MIR2052HG: variants seen among roughly 807,000 people sequenced by gnomAD.
MIR2052HG encodes the protein MIR2052 host gene.
At chr8:74,670,040 A>G (rs546424846) in intron 2 of MIR2052HG, among the ~76,000 whole-genome samples, 13 of 152,314 alleles carry the variant, frequency 8.5e-5, no homozygotes, top group African/African-American at 2.6e-4. Context: ...GTCTTTCTCT[A>G]CCACGTGAGC....
At chr8:74,653,402 T>A (rs928627129) in intron 2 of MIR2052HG, among the ~76,000 whole-genome samples, 9 of 152,124 alleles carry the variant, frequency 5.9e-5, no homozygotes, top group Non-Finnish European at 1.3e-4. Context: ...ACATACATAA[T>A]TTTTTTTAAG....
At chr8:74,648,682 A>C (rs1166159061) in intron 2 of MIR2052HG, among the ~76,000 whole-genome samples, 1 of 152,098 alleles carries the variant, frequency 6.6e-6, no homozygotes. Flanking sequence ...ACACTTAGGG[A>C]AAATAGAAAG....
chr8:74,667,725 C>G (rs888126371), intron 2 of MIR2052HG, among the ~76,000 whole-genome samples: 2 of 152,046 alleles, frequency 1.3e-5, no homozygotes, highest in Non-Finnish European at 2.9e-5. Context: ...TTACTGAGTA[C>G]CAAAGCCACA....
At position 74,638,923 on chromosome 8, in the gene MIR2052HG, G is replaced by A. The variant is rs574143081; in HGVS notation, n.216+25983G>A. Among the ~76,000 whole-genome samples, 3 of 152,228 alleles carry A rather than the reference G, an allele frequency of 2.0e-5. No homozygotes were observed. In the South Asian group the frequency reaches 6.2e-4, roughly 32 times the overall value. ...TAGAGTGAGAAGGTTGAAAGGCTGA[G>A]GACTGAGTCCTGGAGAATATGAACA... is the stretch of plus-strand genomic sequence containing the variant. On this transcript the variant is annotated intron_variant and non_coding_transcript_variant, in intron 2 of 6. Coordinates refer to ENST00000523442, the Ensembl canonical transcript of MIR2052HG.
At chr8:74,662,198 C>A (rs1563525915) in intron 2 of MIR2052HG, among the ~76,000 whole-genome samples, 1 of 152,154 alleles carries the variant, frequency 6.6e-6, no homozygotes, top group African/African-American at 2.4e-5. Context: ...AAGGCTTTTT[C>A]AATGGTCAGA....
intron 4 of MIR2052HG, among the ~76,000 whole-genome samples, chr8:74,734,124 A>C (rs1324163297): frequency 6.6e-6 from 1 of 152,230 alleles, no homozygotes; most frequent in African/African-American, 2.4e-5. Context: ...CAATGAACTC[A>C]AACAAATTTA....
chr8:74,700,063 T>C (rs1284350011), intron 2 of MIR2052HG, among the ~76,000 whole-genome samples: 1 of 152,144 alleles, frequency 6.6e-6, no homozygotes, highest in African/African-American at 2.4e-5. Flanking sequence ...GAAGGTAAAA[T>C]CATTTTACCA....
rs1395956020 is a variant in MIR2052HG at position 74,632,615 on chromosome 8, T to C, written n.216+19675T>C. On this transcript the variant is annotated intron_variant and non_coding_transcript_variant, in intron 2 of 6. Transcript: ENST00000523442. Reference sequence around the variant, plus strand: ...TTATAATTTGCTGCATATTTGAAAGTAAAACACATACAACATCTAAATGTA... The same window carrying C: ...TTATAATTTGCTGCATATTTGAAAGCAAAACACATACAACATCTAAATGTA... 6 of 152,204 alleles carry C rather than the reference T, an allele frequency of 3.9e-5. No individual in the cohort carries two copies. The East Asian group carries it at 1.2e-3, about 29-fold the overall frequency. 9.4% of individuals were successfully genotyped at this position (152,204 alleles called of 1,614,324 possible).
At chr8:74,712,594 G>C (rs972798290) in intron 4 of MIR2052HG, among the ~76,000 whole-genome samples, 5 of 152,152 alleles carry the variant, frequency 3.3e-5, no homozygotes, top group Non-Finnish European at 7.3e-5. Flanking sequence ...GTGGATCAGG[G>C]ATTAGAATTC....
chr8:74,754,359 T>C (rs1809978081), intron 5 of MIR2052HG, among the ~76,000 whole-genome samples: 1 of 152,204 alleles, frequency 6.6e-6, no homozygotes, highest in Non-Finnish European at 1.5e-5. Context: ...GCCTGGCAAG[T>C]GGACTGGTGG....
At chr8:74,745,112 A>C (rs1215290510) in intron 4 of MIR2052HG, among the ~76,000 whole-genome samples, 5 of 152,030 alleles carry the variant, frequency 3.3e-5, no homozygotes, top group Non-Finnish European at 7.4e-5. Flanking sequence ...AAATGTGAAA[A>C]AATGAAAAAT....
intron 2 of MIR2052HG, among the ~76,000 whole-genome samples, chr8:74,654,056 G>A (rs1402015374): frequency 6.6e-6 from 1 of 152,142 alleles, no homozygotes; most frequent in Admixed American, 6.6e-5. Context: ...TTTGTAAATT[G>A]TAGACACCCC....
At chr8:74,613,599 C>T (rs1348988451) in intron 2 of MIR2052HG, among the ~76,000 whole-genome samples, 3 of 152,170 alleles carry the variant, frequency 2.0e-5, no homozygotes, top group East Asian at 1.9e-4. Flanking sequence ...ATTCTCCCTG[C>T]CTCAGCCTCC....
intron 4 of MIR2052HG, among the ~76,000 whole-genome samples, chr8:74,729,235 TTC>T (rs974887622): frequency 2.6e-5 from 4 of 152,058 alleles, no homozygotes; most frequent in African/African-American, 7.2e-5. Context: ...GACTCAAAAT[TTC>T]TGTTTTAGTG....
chr8:74,627,125 T>C (rs1337633112), intron 2 of MIR2052HG, among the ~76,000 whole-genome samples: 1 of 152,164 alleles, frequency 6.6e-6, no homozygotes, highest in Non-Finnish European at 1.5e-5. Flanking sequence ...ACATAGGCCA[T>C]CTAGAAAAAT....
At chr8:74,674,136 TTGTGTGTG>T (rs60255659) in intron 2 of MIR2052HG, among the ~76,000 whole-genome samples, 4,473 of 145,358 alleles carry the variant, frequency 0.031, 152 homozygotes, top group African/African-American at 0.081. Context: ...CCAGAGGTTT[TTGTGTGTG>T]TGTGTGTGTG....
At chr8:74,627,079 C>T (rs1808447095) in intron 2 of MIR2052HG, among the ~76,000 whole-genome samples, 1 of 152,224 alleles carries the variant, frequency 6.6e-6, no homozygotes, top group African/African-American at 2.4e-5. Context: ...ACCCTGCCCA[C>T]AGTCTCCAAC....
At chr8:74,675,437 G>T (rs1013193949) in intron 2 of MIR2052HG, among the ~76,000 whole-genome samples, 10 of 151,972 alleles carry the variant, frequency 6.6e-5, no homozygotes, top group Non-Finnish European at 1.2e-4. Context: ...ATTCCAGAAG[G>T]TATGAATGGG....
intron 2 of MIR2052HG, among the ~76,000 whole-genome samples, chr8:74,639,529 T>C (rs1054352217): frequency 6.6e-6 from 1 of 152,186 alleles, no homozygotes; most frequent in East Asian, 1.9e-4. Flanking sequence ...TATTTATCTT[T>C]GCAGAATTTT....
Sources: allele counts gnomAD v4.1 joint callset (sites outside exome capture counted in the v4.1 genomes callset), GRCh38; gene constraint gnomAD v4.1.1; transcripts MANE v1.5; gene names NCBI Gene and HGNC (gene_info 2026-07-23, HGNC 2026-07-21).